MTMR7: variants seen among roughly 807,000 people sequenced by gnomAD.
MTMR7 encodes phosphatidylinositol-3-phosphate phosphatase MTMR7.
A neutral mutation model predicts 81.2 loss-of-function variants in MTMR7; 76 were observed. The observed-to-expected ratio is 0.94, with a 90% CI of 0.78 to 1.13. The LOEUF (loss-of-function observed/expected upper bound fraction) is 1.13. Among genes scored for constraint, MTMR7 ranks in the 50% most tolerant of loss-of-function variants. The pLI is 0.00. For missense variants in MTMR7, 1,044 were observed against 820.0 expected, an observed-to-expected ratio of 1.27 and a Z score of -3.34; for synonymous variants, 372 against 289.8, an observed-to-expected ratio of 1.28 and a Z score of -2.88.
intron 1 of MTMR7, among the ~76,000 whole-genome samples, chr8:17,381,438 T>C (rs1820758381): frequency 6.6e-6 from 1 of 152,056 alleles, no homozygotes; most frequent in African/African-American, 2.4e-5. Flanking sequence ...ATTTCAATCT[T>C]AGTAGAATGT....
At chr8:17,301,090 G>A (rs991450413) in intron 13 of MTMR7, among the ~76,000 whole-genome samples, 1 of 152,208 alleles carries the variant, frequency 6.6e-6, no homozygotes, top group African/African-American at 2.4e-5. Flanking sequence ...AACACAGGAG[G>A]TGTTATAAGA....
chr8:17,390,497 G>A (rs192339459), intron 1 of MTMR7, among the ~76,000 whole-genome samples: 61 of 152,270 alleles, frequency 4.0e-4, no homozygotes, highest in African/African-American at 1.4e-3. Flanking sequence ...TGGTGGAACT[G>A]TATCACCACG....
chr8:17,404,003 A>G (rs534047535), intron 1 of MTMR7, among the ~76,000 whole-genome samples: 30 of 152,290 alleles, frequency 2.0e-4, no homozygotes, highest in South Asian at 4.1e-4. Flanking sequence ...ATATAAGATC[A>G]TATCATCTGC....
chr8:17,409,251 G>A (rs1049040725), intron 1 of MTMR7, among the ~76,000 whole-genome samples: 11 of 152,102 alleles, frequency 7.2e-5, no homozygotes, highest in African/African-American at 9.7e-5. Context: ...CTGAGGTCAG[G>A]AGTTCAAGAC....
intron 1 of MTMR7, among the ~76,000 whole-genome samples, chr8:17,410,163 C>T (rs1180141388): frequency 3.3e-5 from 5 of 152,068 alleles, no homozygotes; most frequent in African/African-American, 7.2e-5. Flanking sequence ...AATCAGGAGA[C>T]CAGTCAGGGT....
chr8:17,358,564 AT>A (rs1819966426), intron 4 of MTMR7, among the ~76,000 whole-genome samples: 1 of 152,150 alleles, frequency 6.6e-6, no homozygotes, highest in Non-Finnish European at 1.5e-5. Flanking sequence ...GAGAATACAC[AT>A]TTTTCCAGAC....
At chr8:17,375,805 G>A (rs1172369200) in intron 1 of MTMR7, among the ~76,000 whole-genome samples, 1 of 151,828 alleles carries the variant, frequency 6.6e-6, no homozygotes, top group African/African-American at 2.4e-5. Context: ...TTTTTTCCTT[G>A]TATAATAGCA....
At chr8:17,390,452 C>A (rs761290472) in intron 1 of MTMR7, among the ~76,000 whole-genome samples, 3 of 152,092 alleles carry the variant, frequency 2.0e-5, no homozygotes, top group Admixed American at 6.5e-5. Context: ...CAGGCCCAAC[C>A]GCTAACATTG....
intron 10 of MTMR7, among the ~76,000 whole-genome samples, chr8:17,307,608 T>A (rs1234490344): frequency 1.3e-5 from 2 of 152,218 alleles, no homozygotes; most frequent in Non-Finnish European, 2.9e-5. Context: ...GCGGCACTAT[T>A]CACAATAGCA....
chr8:17,309,478 T>A (rs182951775), intron 9 of MTMR7, 152 bp from the exon 10 acceptor site: 1 of 653,008 alleles, frequency 1.5e-6, no homozygotes, highest in Non-Finnish European at 2.8e-6. Context: ...TCCACCCATA[T>A]AGAGATGCAC....
chr8:17,412,526 G>C (rs561023901), intron 1 of MTMR7, among the ~76,000 whole-genome samples: 1 of 152,318 alleles, frequency 6.6e-6, no homozygotes, highest in African/African-American at 2.4e-5. Flanking sequence ...TGAGGAGGAA[G>C]ATTTGGTACA....
chr8:17,391,481 C>T (rs1821106927), intron 1 of MTMR7, among the ~76,000 whole-genome samples: 1 of 152,158 alleles, frequency 6.6e-6, no homozygotes, highest in South Asian at 2.1e-4. Context: ...ACCACTGGAT[C>T]TCCAGGGCCT....
chr8:17,361,044 A>C (rs1820043945), intron 4 of MTMR7, 73 bp downstream of exon 4: 1 of 1,541,944 alleles, frequency 6.5e-7, no homozygotes, highest in African/African-American at 1.4e-5. Flanking sequence ...GAAGGAGATA[A>C]AAATAAAGGG....
intron 12 of MTMR7, 123 bp from the exon 13 acceptor site, chr8:17,302,403 TC>T: frequency 9.0e-7 from 1 of 1,117,110 alleles, no homozygotes; most frequent in Non-Finnish European, 1.2e-6. Flanking sequence ...AATTTCAGCC[TC>T]AAAAAAGCCA....
intron 1 of MTMR7, among the ~76,000 whole-genome samples, chr8:17,400,482 C>CA (rs532570375): frequency 1.3e-4 from 20 of 152,308 alleles, no homozygotes; most frequent in Non-Finnish European, 2.2e-4. Context: ...TTTAGGATCC[C>CA]AGCGGCCTTA....
intron 7 of MTMR7, among the ~76,000 whole-genome samples, chr8:17,320,863 T>TAA (rs1818353741): frequency 6.6e-6 from 1 of 152,240 alleles, no homozygotes; most frequent in South Asian, 2.1e-4. Context: ...CGCCTGCTGT[T>TAA]TGGGCTTTCT....
rs1211114232 is a variant in MTMR7 at position 17,300,192 on chromosome 8, A to C, written c.1653T>G (p.Asn551Lys). Residue 551 changes from asparagine to lysine, a missense_variant, in exon 14 of 14, where the codon AAT (asparagine) becomes AAG (lysine). Asn to Lys is a moderately conservative substitution (Grantham distance 94). Coordinates refer to ENST00000180173, the MANE Select transcript of MTMR7 (RefSeq NM_004686.5). ...TTTGCTTACTCTTCACCTTAGTGCA[A>C]TTTAACTGGACCTTTTGAATTTTTT... ...RLEKIQKVQLNCTKVKSKQSE... is the reference protein window; with the variant it reads ...RLEKIQKVQLKCTKVKSKQSE... The C allele has an allele frequency of 6.2e-7, 1 of 1,612,556 alleles. No individual in the cohort carries two copies. Among genetic ancestry groups the C allele is most frequent in the African/African-American group, 1.3e-5 (1 of 74,958 alleles).
chr8:17,326,761 A>G (rs2239872), intron 7 of MTMR7, among the ~76,000 whole-genome samples: 44,448 of 151,842 alleles, frequency 0.29, 7,973 homozygotes, highest in African/African-American at 0.5. Flanking sequence ...CTTCCTGATG[A>G]GAACGCAGCC....
At chr8:17,301,277 C>G (rs981274343) in intron 13 of MTMR7, among the ~76,000 whole-genome samples, 1 of 152,058 alleles carries the variant, frequency 6.6e-6, no homozygotes. Context: ...GGCAAAAGTT[C>G]TTGAAGAGGG....
Sources: allele counts gnomAD v4.1 joint callset (sites outside exome capture counted in the v4.1 genomes callset), GRCh38; gene constraint gnomAD v4.1.1; transcripts MANE v1.5; gene names NCBI Gene and HGNC (gene_info 2026-07-23, HGNC 2026-07-21).